The following NSFL1C variants were observed in gnomAD, a reference collection of about 807,000 sequenced individuals.
The protein encoded by NSFL1C is NSFL1 cofactor, also known as NSFL1 cofactor p47.
Under a neutral mutation model 43.1 loss-of-function variants are expected in NSFL1C, and 14 were observed. That is an observed-to-expected ratio of 0.32 (90% CI 0.21 to 0.51). The LOEUF is 0.51. Among genes scored for constraint, NSFL1C ranks in the 20% least tolerant of loss-of-function variants. The probability of loss-of-function intolerance (pLI) is 0.98; values close to 1 mark genes in which losing one functional copy is unlikely to be tolerated. For missense variants in NSFL1C, 406 were observed against 472.5 expected, an observed-to-expected ratio of 0.86 and a Z score of 1.30; for synonymous variants, 171 against 183.5, an observed-to-expected ratio of 0.93 and a Z score of 0.55.
At chr20:1,456,967 A>G (rs915446390) in intron 3 of NSFL1C, 2 of 152,248 alleles carry the variant, frequency 1.3e-5, no homozygotes, top group Non-Finnish European at 2.9e-5. Context: ...CAGCAAAACC[A>G]TATTTATATA....
chr20:1,465,695 T>G (rs1314304155), intron 1 of NSFL1C, among the ~76,000 whole-genome samples: 1 of 152,186 alleles, frequency 6.6e-6, no homozygotes, highest in Non-Finnish European at 1.5e-5. Flanking sequence ...ATCCATAAAA[T>G]GGGTCTAGTC....
Position 1,445,733 on chromosome 20 carries a change from T to C in NSFL1C, c.883A>G (p.Thr295Ala). The C allele has an allele frequency of 6.2e-7, 1 of 1,614,034 alleles. No individual in the cohort carries two copies. Among genetic ancestry groups the C allele is most frequent in the Non-Finnish European group, 8.5e-7 (1 of 1,180,000 alleles). The stretch of plus-strand genomic sequence containing the variant: ...GCAAGCCGAATTTGGATGTTTGTGG[T>C]AGGCTCTGATTCGTCGATTAAGATG... ...SSILIDESEPTTNIQIRLADG... is the reference protein window; with the variant it reads ...SSILIDESEPATNIQIRLADG... Residue 295 changes from threonine (T) to alanine (A), a missense_variant, in exon 8 of 9, where the codon ACC (threonine) becomes GCC (alanine). Coordinates refer to ENST00000216879, the MANE Select transcript of NSFL1C (RefSeq NM_016143.5).
At chr20:1,452,928 C>A in intron 6 of NSFL1C, 103 bp downstream of exon 6, 1 of 775,352 alleles carries the variant, frequency 1.3e-6, no homozygotes, top group Non-Finnish European at 2.3e-6. Context: ...GCTGAATCTG[C>A]TTCAAACAAT....
intron 7 of NSFL1C, among the ~76,000 whole-genome samples, chr20:1,451,524 A>C (rs1385032016): frequency 1.3e-5 from 2 of 152,166 alleles, no homozygotes; most frequent in Non-Finnish European, 2.9e-5. Flanking sequence ...CCATGTGCCC[A>C]AGGAAAGGCC....
chr20:1,450,045 A>C (rs983354898), intron 7 of NSFL1C, among the ~76,000 whole-genome samples: 4 of 152,242 alleles, frequency 2.6e-5, no homozygotes, highest in Non-Finnish European at 5.9e-5. Context: ...AAAAAAATTT[A>C]ATACAACTGA....
chr20:1,445,824 G>C lies in NSFL1C; in HGVS notation c.792C>G (p.Ala264=). 2 of 1,613,942 alleles carry C rather than the reference G, an allele frequency of 1.2e-6. No individual in the cohort carries two copies. Among genetic ancestry groups the C allele is most frequent in the Non-Finnish European group, 1.7e-6 (2 of 1,179,950 alleles). ...GAGAGCTGGTACTCAACACCTGGGG[G>C]GCAGTGCTGAGGAGAGAGGATGGCA... ...TGEGQKLGST[A]PQVLSTSSPA... The change falls in exon 8 of 9, where the codon GCC becomes GCG. Residue 264 remains alanine, a synonymous_variant. Transcript: ENST00000216879.
At chr20:1,448,336 A>G (rs1036475030) in intron 7 of NSFL1C, among the ~76,000 whole-genome samples, 6 of 152,226 alleles carry the variant, frequency 3.9e-5, no homozygotes, top group Non-Finnish European at 5.9e-5. Flanking sequence ...TAAGCAAGTC[A>G]CAACTTCCCA....
Position 1,445,794 on chromosome 20 carries a change from G to A in NSFL1C, c.822C>T (p.Ala274=). 1 of 1,613,990 alleles carries A rather than the reference G, an allele frequency of 6.2e-7. No individual in the cohort carries two copies. The highest frequency in any genetic ancestry group is 8.5e-7 in the Non-Finnish European group (1 of 1,179,996). ...APQVLSTSSP[A]QQAENEAKAS... Reference sequence around the variant, plus strand: ...CTTTGGCTTCATTTTCTGCCTGTTGGGCTGGAGAGCTGGTACTCAACACCT... The same window carrying A: ...CTTTGGCTTCATTTTCTGCCTGTTGAGCTGGAGAGCTGGTACTCAACACCT... Residue 274 remains alanine (A), a synonymous_variant, in exon 8 of 9, where the codon GCC becomes GCT. Coordinates refer to ENST00000216879, the MANE Select transcript of NSFL1C (RefSeq NM_016143.5).
chr20:1,445,533 T>C (rs1387816946), intron 8 of NSFL1C, 133 bp downstream of exon 8: 4 of 1,011,736 alleles, frequency 4.0e-6, no homozygotes, highest in Non-Finnish European at 4.5e-6. Context: ...CTTACCACCC[T>C]CGTGTCTGCT....
Position 1,449,898 on chromosome 20 carries a change from G to A in NSFL1C, c.785+2595C>T, listed in dbSNP as rs927028178. Among the ~76,000 whole-genome samples the A allele has an allele frequency of 2.0e-4, 31 of 152,098 alleles. 1 individual carries two copies. Among genetic ancestry groups the A allele is most frequent in the African/African-American group, 7.5e-4 (31 of 41,408 alleles). ...GCAGCAGTGACCCCTCCTCCCAAGTGCACTCTTGCTGTTTGCAATTCGAAC... is the reference window on the plus strand; with the variant it reads ...GCAGCAGTGACCCCTCCTCCCAAGTACACTCTTGCTGTTTGCAATTCGAAC... On this transcript the variant is annotated intron_variant, in intron 7 of 8. Coordinates refer to ENST00000216879, the MANE Select transcript of NSFL1C (RefSeq NM_016143.5).
chr20:1,456,281 G>C (rs1231856343), intron 3 of NSFL1C: 1 of 153,336 alleles, frequency 6.5e-6, no homozygotes, highest in Non-Finnish European at 1.5e-5. Flanking sequence ...GACTGGGTGG[G>C]AGGAGAACGA....
chr20:1,451,279 G>A (rs530829635), intron 7 of NSFL1C, among the ~76,000 whole-genome samples: 11 of 152,306 alleles, frequency 7.2e-5, no homozygotes, highest in Middle Eastern at 3.4e-3. Flanking sequence ...TGCTCCTGAT[G>A]AGGCATGAAT....
Position 1,464,333 on chromosome 20 carries a change from G to A in NSFL1C, c.199C>T (p.Pro67Ser). Residue 67 changes from proline to serine, a missense_variant, in exon 2 of 9, where the codon CCC becomes TCC. This residue lies in a region of NSFL1C where 203 missense variants were observed against 216.3 expected (regional missense o/e 0.94). Coordinates refer to ENST00000216879, the MANE Select transcript of NSFL1C (RefSeq NM_016143.5). ...TPSSVSRGTA[P>S]SDNRVTSFRD... ...ATAATTGAAGCTGGCCCTTACCTGG[G>A]GGCTGTGCCTCTGGACACTGAACTG... is the stretch of plus-strand genomic sequence containing the variant. 6.2e-7 allele frequency: 1 copy of A among 1,613,962 alleles called. No homozygotes were observed. Among genetic ancestry groups the A allele is most frequent in the Non-Finnish European group, 8.5e-7 (1 of 1,179,834 alleles).
At chr20:1,466,500 T>C (rs1309664525) in intron 1 of NSFL1C, among the ~76,000 whole-genome samples, 1 of 151,924 alleles carries the variant, frequency 6.6e-6, no homozygotes, top group Non-Finnish European at 1.5e-5. Context: ...CGAGGCAGGG[T>C]GAAACTGGCA....
chr20:1,444,040 G>A (rs6079153), intron 8 of NSFL1C, 129 bp from the exon 9 acceptor site: 3 of 990,170 alleles, frequency 3.0e-6, no homozygotes, highest in Non-Finnish European at 2.9e-6. Context: ...GCTACGCTCA[G>A]GCATGTGGGA....
Position 1,454,288 on chromosome 20 carries a change from G to A in NSFL1C, c.462C>T (p.Gly154=). The A allele has an allele frequency of 6.2e-7, 1 of 1,612,356 alleles. No individual in the cohort carries two copies. The change falls in exon 5 of 9, where the codon GGC becomes GGT. Residue 154 remains glycine, a synonymous_variant. Transcript: ENST00000216879. ...TSKPRPFAGG[G]YRLGAAPEEE... is the part of the protein sequence containing the mutation. Reference sequence around the variant, plus strand: ...CCTCTGGTGCTGCCCCAAGGCGGTAGCCACCTCCTGCAAATGGCTATAAGG... The same window carrying A: ...CCTCTGGTGCTGCCCCAAGGCGGTAACCACCTCCTGCAAATGGCTATAAGG...
intron 7 of NSFL1C, among the ~76,000 whole-genome samples, chr20:1,450,067 A>AT (rs2090153623): frequency 6.6e-6 from 1 of 152,240 alleles, no homozygotes; most frequent in African/African-American, 2.4e-5. Context: ...TTTTCTCAAA[A>AT]TATTTTAACT....
chr20:1,466,530 TGGCCCGCGTTCC>T (rs1361091794), intron 1 of NSFL1C, among the ~76,000 whole-genome samples, 178 bp downstream of exon 1: 2 of 152,172 alleles, frequency 1.3e-5, no homozygotes, highest in Non-Finnish European at 2.9e-5. Flanking sequence ...TGGCTGGGGC[TGGCCCGCGTTCC>T]CCCACTCCCA....
intron 8 of NSFL1C, among the ~76,000 whole-genome samples, chr20:1,445,272 G>A (rs1228745321): frequency 6.6e-6 from 1 of 152,276 alleles, no homozygotes; most frequent in East Asian, 1.9e-4. Context: ...GGAGGTGGAG[G>A]AAGCCAGGTG....
Sources: allele counts gnomAD v4.1 joint callset (sites outside exome capture counted in the v4.1 genomes callset), GRCh38; gene constraint gnomAD v4.1.1; regional missense constraint gnomAD v4.1.1; transcripts MANE v1.5; gene names NCBI Gene and HGNC (gene_info 2026-07-23, HGNC 2026-07-21).